LRRC7: variants seen among roughly 807,000 people sequenced by gnomAD.
LRRC7 encodes the protein leucine-rich repeat-containing protein 7.
LRRC7 carries 23 observed loss-of-function variants against 175.7 expected under a neutral mutation model. The observed-to-expected ratio is 0.13, with a 90% CI of 0.09 to 0.19. The LOEUF is 0.19. Ranked by LOEUF, LRRC7 falls within the 10% of genes least tolerant of loss-of-function variation. The pLI, the probability that LRRC7 is intolerant of heterozygous loss-of-function variation, is 1.00. For missense variants in LRRC7, 1,354 were observed against 1,904.7 expected (o/e 0.71, Z 5.38); for synonymous variants, 685 against 680.9 (o/e 1.01, Z -0.09).
chr1:69,936,176 A>C (rs1231448900), intron 8 of LRRC7, among the ~76,000 whole-genome samples: 1 of 152,170 alleles, frequency 6.6e-6, no homozygotes, highest in East Asian at 1.9e-4. Flanking sequence ...ACAAACAATA[A>C]ATTTTGACAG....
At chr1:69,587,709 A>G (rs922786053) in intron 1 of LRRC7, among the ~76,000 whole-genome samples, 1 of 152,054 alleles carries the variant, frequency 6.6e-6, no homozygotes, top group African/African-American at 2.4e-5. Context: ...GAGAGCCATG[A>G]TAGTTCTTGT....
At chr1:69,657,908 TAC>T in intron 1 of LRRC7, among the ~76,000 whole-genome samples, 1 of 152,062 alleles carries the variant, frequency 6.6e-6, no homozygotes, top group Middle Eastern at 3.4e-3. Flanking sequence ...TTTGATTTAA[TAC>T]TATCAAAAAT....
Position 70,137,303 on chromosome 1 carries a change from C to A in LRRC7, c.*15416C>A, listed in dbSNP as rs1327531721. 6.6e-6 allele frequency among the ~76,000 whole-genome samples: 1 copy of A among 152,244 alleles called. No homozygotes were observed. Among genetic ancestry groups the A allele is most frequent in the Admixed American group, 6.5e-5 (1 of 15,288 alleles). ...CTTGCTGGAATCAAGGGCAGCTCCTCCTTTCTGGAGGAAGGAACTTCATCT... is the reference window on the plus strand; with the variant it reads ...CTTGCTGGAATCAAGGGCAGCTCCTACTTTCTGGAGGAAGGAACTTCATCT... On this transcript the variant is annotated 3_prime_UTR_variant, in exon 27 of 27. Coordinates refer to ENST00000651989, the MANE Select transcript of LRRC7 (RefSeq NM_001370785.2).
chr1:70,063,502 A>C lies in LRRC7; in HGVS notation c.4230+10357A>C, dbSNP rs1368411485. On this transcript the variant is annotated intron_variant, in intron 23 of 26. Transcript: ENST00000651989. ...TTATGGACCAATGAAGTAAAGACAT[A>C]ACTCCTGGGGGTTCTTCACTGTTAA... is the stretch of plus-strand genomic sequence containing the variant. Among the ~76,000 whole-genome samples, 6 of 152,100 alleles carry C rather than the reference A, an allele frequency of 3.9e-5. 1 individual carries two copies. The highest frequency in any genetic ancestry group is 8.8e-5 in the Non-Finnish European group (6 of 67,948).
chr1:69,819,571 C>CTG (rs1486357927), intron 4 of LRRC7, among the ~76,000 whole-genome samples: 2 of 130,558 alleles, frequency 1.5e-5, no homozygotes, highest in African/African-American at 7.1e-5. Flanking sequence ...CTCTCTCTCT[C>CTG]TCTCTCTGTG....
intron 2 of LRRC7, among the ~76,000 whole-genome samples, chr1:69,711,158 C>G (rs1249384889): frequency 6.6e-6 from 1 of 152,188 alleles, no homozygotes; most frequent in Non-Finnish European, 1.5e-5. Flanking sequence ...ATAGTAAATT[C>G]TCCCTTGCTG....
intron 7 of LRRC7, chr1:69,839,133 T>C (rs1557794194): frequency 9.9e-6 from 2 of 201,344 alleles, no homozygotes; most frequent in Non-Finnish European, 2.1e-5. Context: ...AACCAAAATG[T>C]AACCTTATTT....
chr1:69,693,184 A>T (rs552158396), intron 2 of LRRC7, among the ~76,000 whole-genome samples: 48 of 152,236 alleles, frequency 3.2e-4, no homozygotes, highest in African/African-American at 1.1e-3. Flanking sequence ...AATAAATCTC[A>T]TTGACCCCTT....
intron 2 of LRRC7, among the ~76,000 whole-genome samples, chr1:69,727,184 G>T (rs888619643): frequency 6.6e-6 from 1 of 152,174 alleles, no homozygotes; most frequent in African/African-American, 2.4e-5. Flanking sequence ...TCAGTCAAGG[G>T]CAGGGCCCAG....
chr1:69,723,430 G>C (rs1666588401), intron 2 of LRRC7, among the ~76,000 whole-genome samples: 1 of 152,142 alleles, frequency 6.6e-6, no homozygotes. Context: ...AAGGCATACA[G>C]CTGATTTTTT....
chr1:69,647,418 C>T (rs1655158873), intron 1 of LRRC7, among the ~76,000 whole-genome samples: 2 of 152,252 alleles, frequency 1.3e-5, no homozygotes, highest in Admixed American at 1.3e-4. Context: ...TAAATTTTTG[C>T]TTACTTTCCT....
chr1:69,857,666 G>A (rs1418650857), intron 7 of LRRC7, among the ~76,000 whole-genome samples: 4 of 152,190 alleles, frequency 2.6e-5, no homozygotes, highest in Non-Finnish European at 4.4e-5. Flanking sequence ...AATCAATATC[G>A]TAAAAATGGC....
At chr1:69,574,357 C>G (rs1382444592) in intron 1 of LRRC7, among the ~76,000 whole-genome samples, 1 of 151,986 alleles carries the variant, frequency 6.6e-6, no homozygotes, top group Non-Finnish European at 1.5e-5. Flanking sequence ...TGGAAAAGAG[C>G]TGCTAGACAA....
At chr1:69,809,963 G>GA (rs1677629470) in intron 4 of LRRC7, among the ~76,000 whole-genome samples, 1 of 151,954 alleles carries the variant, frequency 6.6e-6, no homozygotes, top group South Asian at 2.1e-4. Flanking sequence ...ATTCAAATAG[G>GA]AAAAAAGGAA....
Position 69,603,218 on chromosome 1 carries a change from C to T in LRRC7, c.2+34577C>T, listed in dbSNP as rs543249229. On this transcript the variant is annotated intron_variant, in intron 1 of 26. Coordinates refer to ENST00000651989, the MANE Select transcript of LRRC7 (RefSeq NM_001370785.2). ...TGATCTCATCCCAAGATTTAAAAAC[C>T]CTATTCCCAAATAAAGTTATATACA... 8.5e-5 allele frequency among the ~76,000 whole-genome samples: 13 copies of T among 152,156 alleles called. No homozygotes were observed. The South Asian group carries it at 2.5e-3, about 29-fold the overall frequency.
chr1:69,642,233 T>C (rs979566058), intron 1 of LRRC7, among the ~76,000 whole-genome samples: 20 of 151,968 alleles, frequency 1.3e-4, no homozygotes, highest in African/African-American at 4.3e-4. Flanking sequence ...ATGGGTACCA[T>C]ATCAGAGAGA....
intron 1 of LRRC7, among the ~76,000 whole-genome samples, chr1:69,639,499 C>G (rs534526605): frequency 2.0e-3 from 306 of 151,914 alleles, no homozygotes; most frequent in Non-Finnish European, 3.8e-3. Flanking sequence ...GAAAATTTTA[C>G]TACCCAAACA....
chr1:69,675,135 T>C (rs1446573498), intron 1 of LRRC7, among the ~76,000 whole-genome samples: 1 of 152,154 alleles, frequency 6.6e-6, no homozygotes, highest in African/African-American at 2.4e-5. Flanking sequence ...TGAGGAACAT[T>C]ACATTTAAGC....
chr1:70,055,622 C>A (rs988472202), intron 23 of LRRC7, among the ~76,000 whole-genome samples: 46 of 152,100 alleles, frequency 3.0e-4, no homozygotes, highest in African/African-American at 1.1e-3. Flanking sequence ...AGGAAACTTA[C>A]AATCATTGTG....
Sources: gnomAD v4.1 joint callset for allele counts (sites outside exome capture counted in the v4.1 genomes callset) on GRCh38, gnomAD v4.1.1 for gene constraint, MANE v1.5 for transcripts, NCBI Gene and HGNC (gene_info 2026-07-23, HGNC 2026-07-21) for gene names.